Variants in BABAM2 observed in about 807,000 individuals in gnomAD.
BABAM2 encodes BRISC and BRCA1-A complex member 2.
A neutral mutation model predicts 54.7 loss-of-function variants in BABAM2; 31 were observed. The observed-to-expected ratio is 0.57, with a 90% CI of 0.43 to 0.77. BABAM2 has a LOEUF of 0.77. Among genes scored for constraint, BABAM2 ranks in the 30% least tolerant of loss-of-function variants. The probability of loss-of-function intolerance (pLI) is 0.00; values close to 1 mark genes in which losing one functional copy is unlikely to be tolerated. For synonymous variants in BABAM2, 167 were observed against 162.9 expected (o/e 1.03, Z -0.19); for missense variants, 364 against 455.8 (o/e 0.80, Z 1.83).
At chr2:28,074,097 A>G (rs187936022) in intron 6 of BABAM2, among the ~76,000 whole-genome samples, 1 of 152,294 alleles carries the variant, frequency 6.6e-6, no homozygotes, top group East Asian at 1.9e-4. Context: ...TACATTTCCT[A>G]TAATTTTTAT....
intron 2 of BABAM2, among the ~76,000 whole-genome samples, chr2:27,921,367 A>G (rs1249446987): frequency 6.6e-6 from 1 of 152,126 alleles, no homozygotes; most frequent in African/African-American, 2.4e-5. Flanking sequence ...ATAAAATATC[A>G]TTTGTTGAAA....
intron 11 of BABAM2, among the ~76,000 whole-genome samples, chr2:28,317,968 C>T (rs1264363640): frequency 1.3e-5 from 2 of 152,212 alleles, no homozygotes; most frequent in Non-Finnish European, 2.9e-5. Flanking sequence ...TTTCCAATCC[C>T]ATTTGATTTT....
intron 10 of BABAM2, among the ~76,000 whole-genome samples, chr2:28,294,060 T>G (rs1431774575): frequency 6.6e-6 from 1 of 151,844 alleles, no homozygotes; most frequent in African/African-American, 2.4e-5. Flanking sequence ...GCTCTAAGAA[T>G]CAAACCTGAC....
chr2:28,265,361 A>T (rs1019816264), intron 10 of BABAM2, among the ~76,000 whole-genome samples: 6 of 152,200 alleles, frequency 3.9e-5, no homozygotes, highest in African/African-American at 1.4e-4. Flanking sequence ...CGGGAGGTGG[A>T]GGTTGTAGTG....
chr2:27,902,943 G>GAGAA (rs1196654778), intron 2 of BABAM2, among the ~76,000 whole-genome samples: 8 of 151,940 alleles, frequency 5.3e-5, no homozygotes, highest in Non-Finnish European at 1.0e-4. Context: ...GAGAGAGAGA[G>GAGAA]AGAAAGAGAG....
chr2:28,074,032 T>C (rs1035634971), intron 6 of BABAM2, among the ~76,000 whole-genome samples: 7 of 152,138 alleles, frequency 4.6e-5, no homozygotes, highest in African/African-American at 1.7e-4. Flanking sequence ...TATACACATA[T>C]ATATACACAC....
At chr2:28,106,665 T>C (rs1219031154) in intron 6 of BABAM2, among the ~76,000 whole-genome samples, 1 of 152,228 alleles carries the variant, frequency 6.6e-6, no homozygotes, top group East Asian at 1.9e-4. Context: ...GACTCATTAC[T>C]GTTGATGTGT....
In BABAM2 at chr2:27,993,451, C is replaced by G. The variant is rs1438295721; in HGVS notation, c.300+5364C>G. 2.0e-5 allele frequency among the ~76,000 whole-genome samples: 3 copies of G among 152,038 alleles called. No individual in the cohort carries two copies. In the East Asian group the frequency reaches 5.8e-4, roughly 29 times the overall value. ...GAGGGATAAAAATAAAATCAGTTAA[C>G]AGAACCTCTGAAACTATGATTTTCA... On this transcript the variant is annotated intron_variant, in intron 4 of 11. Transcript: ENST00000379624.
At chr2:27,968,236 GTGCCCT>G in intron 3 of BABAM2, among the ~76,000 whole-genome samples, 1 of 152,322 alleles carries the variant, frequency 6.6e-6, no homozygotes, top group African/African-American at 2.4e-5. Flanking sequence ...TAGGGACTTG[GTGCCCT>G]GCGCCCCAGT....
chr2:28,186,681 G>A (rs1286917005), intron 7 of BABAM2, among the ~76,000 whole-genome samples: 1 of 152,040 alleles, frequency 6.6e-6, no homozygotes, highest in African/African-American at 2.4e-5. Flanking sequence ...AGGAAAGAAA[G>A]AAGGAGAAAA....
intron 7 of BABAM2, among the ~76,000 whole-genome samples, chr2:28,150,999 A>C (rs1182401907): frequency 6.6e-6 from 1 of 152,248 alleles, no homozygotes; most frequent in Non-Finnish European, 1.5e-5. Context: ...TCTTTAAGGA[A>C]ATTAAGAGGC....
intron 8 of BABAM2, among the ~76,000 whole-genome samples, chr2:28,239,782 G>T (rs1682243502): frequency 6.6e-6 from 1 of 152,122 alleles, no homozygotes; most frequent in Non-Finnish European, 1.5e-5. Context: ...ATTCAGACAA[G>T]GATCTCCAGT....
intron 7 of BABAM2, among the ~76,000 whole-genome samples, chr2:28,156,375 T>C (rs1397789440): frequency 6.6e-6 from 1 of 152,192 alleles, no homozygotes; most frequent in Non-Finnish European, 1.5e-5. Context: ...CTGCTACTAA[T>C]TGGGAGATTC....
chr2:27,988,851 T>C (rs187936493), intron 4 of BABAM2, among the ~76,000 whole-genome samples: 3 of 152,278 alleles, frequency 2.0e-5, no homozygotes, highest in Admixed American at 6.5e-5. Flanking sequence ...CTAGAAGAGG[T>C]TTTATAGTTG....
intron 6 of BABAM2, among the ~76,000 whole-genome samples, chr2:28,107,416 G>A (rs188634110): frequency 6.0e-4 from 91 of 152,206 alleles, no homozygotes; most frequent in African/African-American, 1.1e-3. Flanking sequence ...GGCTGTTTAC[G>A]CTCTGGCCCT....
intron 7 of BABAM2, among the ~76,000 whole-genome samples, chr2:28,138,730 A>G (rs187268843): frequency 4.6e-5 from 7 of 152,230 alleles, no homozygotes; most frequent in African/African-American, 1.2e-4. Context: ...GACCCTAGCC[A>G]TGAAACCCAG....
rs543520360 is a variant in BABAM2, at chr2:27,906,492, T to C, written c.128+11808T>C. On this transcript the variant is annotated intron_variant, in intron 2 of 11. Transcript: ENST00000379624. ...TCTTGCATATGGTGTTTTATGGCCTTTTGTATTTTGTGCTTAAGATTGTAA... is the reference window on the plus strand; with the variant it reads ...TCTTGCATATGGTGTTTTATGGCCTCTTGTATTTTGTGCTTAAGATTGTAA... Among the ~76,000 whole-genome samples, 9 of 152,318 alleles carry C rather than the reference T, an allele frequency of 5.9e-5. No individual in the cohort carries two copies. In the South Asian group the frequency reaches 1.9e-3, roughly 32 times the overall value.
At chr2:28,247,000 C>G (rs1467714568) in intron 10 of BABAM2, among the ~76,000 whole-genome samples, 1 of 152,208 alleles carries the variant, frequency 6.6e-6, no homozygotes, top group East Asian at 1.9e-4. Flanking sequence ...GCCTTTCTAT[C>G]TTAGCTTTTC....
At chr2:28,114,852 A>G (rs1050919831) in intron 6 of BABAM2, among the ~76,000 whole-genome samples, 2 of 152,160 alleles carry the variant, frequency 1.3e-5, no homozygotes, top group African/African-American at 4.8e-5. Flanking sequence ...AACTTATACC[A>G]ACTGATTTAC....
Sources: gnomAD v4.1 joint callset for allele counts (sites outside exome capture counted in the v4.1 genomes callset) on GRCh38, gnomAD v4.1.1 for gene constraint, MANE v1.5 for transcripts, NCBI Gene and HGNC (gene_info 2026-07-23, HGNC 2026-07-21) for gene names.